Variants in PHF20 observed in about 807,000 individuals in gnomAD.
PHF20 encodes PHD finger protein 20.
In PHF20, 23 loss-of-function variants were observed where a neutral mutation model predicts 113.5. That is an observed-to-expected ratio of 0.20 (90% CI 0.15 to 0.29). The LOEUF is 0.29. PHF20 is among the 10% of genes least tolerant of loss of function. The pLI is 1.00. For missense variants in PHF20, 943 were observed against 1,219.6 expected, an observed-to-expected ratio of 0.77 and a Z score of 3.38; for synonymous variants, 434 against 457.3, an observed-to-expected ratio of 0.95 and a Z score of 0.65.
intron 2 of PHF20, among the ~76,000 whole-genome samples, chr20:35,811,005 A>G (rs1263291865): frequency 3.3e-5 from 5 of 152,020 alleles, no homozygotes; most frequent in African/African-American, 1.2e-4. Flanking sequence ...GTGTATTTTC[A>G]GTCCATTGAA....
At chr20:35,895,644 G>GTGTATTC (rs1241230031) in intron 9 of PHF20, among the ~76,000 whole-genome samples, 3 of 147,418 alleles carry the variant, frequency 2.0e-5, no homozygotes, top group Non-Finnish European at 4.5e-5. Flanking sequence ...TCTGAGAAGT[G>GTGTATTC]TGTATTCTGT....
chr20:35,919,259 C>T (rs990202761), intron 13 of PHF20, among the ~76,000 whole-genome samples: 2 of 152,086 alleles, frequency 1.3e-5, no homozygotes, highest in Non-Finnish European at 2.9e-5. Flanking sequence ...TCAGGTGATC[C>T]ACCTGCCTTG....
At chr20:35,795,106 C>T (rs892487524) in intron 1 of PHF20, among the ~76,000 whole-genome samples, 15 of 151,062 alleles carry the variant, frequency 9.9e-5, no homozygotes, top group Non-Finnish European at 1.8e-4. Context: ...GCAGGAGAAT[C>T]GCTTGAACCC....
chr20:35,810,443 C>T (rs919440568), intron 2 of PHF20, among the ~76,000 whole-genome samples: 8 of 152,096 alleles, frequency 5.3e-5, no homozygotes, highest in Admixed American at 3.9e-4. Flanking sequence ...TTGTTATATG[C>T]ACAAACCAAT....
chr20:35,841,747 C>T (rs901623072), intron 2 of PHF20, among the ~76,000 whole-genome samples: 33 of 150,938 alleles, frequency 2.2e-4, no homozygotes, highest in African/African-American at 8.1e-4. Flanking sequence ...TCCAGCATAG[C>T]GACAGAGCGA....
intron 10 of PHF20, among the ~76,000 whole-genome samples, chr20:35,903,021 CTTT>C (rs370237613): frequency 1.1e-5 from 1 of 91,498 alleles, no homozygotes; most frequent in Non-Finnish European, 2.4e-5. Flanking sequence ...TTTCTTTTTT[CTTT>C]TTTTTTTTTT....
intron 6 of PHF20, among the ~76,000 whole-genome samples, chr20:35,865,510 T>G (rs1321353748): frequency 2.6e-5 from 3 of 114,098 alleles, no homozygotes; most frequent in Admixed American, 9.0e-5. Context: ...TTTTTTTTTT[T>G]TTTTTTTTTT....
chr20:35,947,350 GCCCCATGGAGGCTGAAATGGCCCTT>G, intron 17 of PHF20, 110 bp from the exon 18 acceptor site: 4 of 781,384 alleles, frequency 5.1e-6, no homozygotes, highest in South Asian at 2.3e-5. Context: ...TTCCTCCCTT[GCCCCATGGAGGCTGAAATGGCCCTT>G]CCTCCCTTGC....
At chr20:35,793,841 T>C (rs1470635849) in intron 1 of PHF20, among the ~76,000 whole-genome samples, 1 of 146,170 alleles carries the variant, frequency 6.8e-6, no homozygotes, top group African/African-American at 2.5e-5. Flanking sequence ...CTACTAAAAA[T>C]ACAAAAATTA....
At chr20:35,777,395 C>T (rs1463668176) in intron 1 of PHF20, among the ~76,000 whole-genome samples, 1 of 152,106 alleles carries the variant, frequency 6.6e-6, no homozygotes, top group Non-Finnish European at 1.5e-5. Context: ...GTTTTTAGTC[C>T]CCTTCCCCAA....
chr20:35,894,443 G>T (rs1261215723), intron 9 of PHF20, among the ~76,000 whole-genome samples: 2 of 152,106 alleles, frequency 1.3e-5, no homozygotes, highest in Non-Finnish European at 2.9e-5. Context: ...GCTAATTTAT[G>T]CTGCTAATGA....
rs1197983613 is a variant in PHF20, at chr20:35,920,700, C to T, written c.2004+3038C>T. On this transcript the variant is annotated intron_variant, in intron 13 of 17. Coordinates refer to ENST00000374012, the MANE Select transcript of PHF20 (RefSeq NM_016436.5). ...AATAGTACCATCTAGCCTGGCTGACCAACCCTTCCCCAGCACCACCAGTGG... is the reference window on the plus strand; with the variant it reads ...AATAGTACCATCTAGCCTGGCTGACTAACCCTTCCCCAGCACCACCAGTGG... Among the ~76,000 whole-genome samples the T allele has an allele frequency of 2.0e-5, 3 of 152,092 alleles. 1 individual carries two copies. Among genetic ancestry groups the T allele is most frequent in the Middle Eastern group, 6.3e-3 (2 of 316 alleles).
At chr20:35,932,950 G>A (rs778276425) in intron 15 of PHF20, among the ~76,000 whole-genome samples, 6 of 152,122 alleles carry the variant, frequency 3.9e-5, no homozygotes, top group Non-Finnish European at 8.8e-5. Flanking sequence ...TATAGTGTTT[G>A]TCTTTTTGTG....
chr20:35,846,661 A>C (rs553158179), intron 3 of PHF20, among the ~76,000 whole-genome samples: 2 of 151,938 alleles, frequency 1.3e-5, no homozygotes, highest in Admixed American at 6.5e-5. Flanking sequence ...GGCCTCTTAG[A>C]CTCATTTTCA....
chr20:35,783,758 G>C lies in PHF20; in HGVS notation c.-33+11679G>C, dbSNP rs80286386. 9.6e-3 allele frequency among the ~76,000 whole-genome samples: 1,459 copies of C among 151,794 alleles called. 16 individuals carry two copies. The highest frequency in any genetic ancestry group is 0.039 in the East Asian group (202 of 5,122). ...GCATTTTGGGAGGCCGAGGTGGGCG[G>C]ATCACCTGAGGTCAGGAGTTCGAGA... is the stretch of plus-strand genomic sequence containing the variant. On this transcript the variant is annotated intron_variant, in intron 1 of 17. Transcript: ENST00000374012.
At chr20:35,780,225 T>C (rs1003903899) in intron 1 of PHF20, among the ~76,000 whole-genome samples, 7 of 146,544 alleles carry the variant, frequency 4.8e-5, no homozygotes, top group South Asian at 2.2e-4. Context: ...AGATTTCTTT[T>C]TTTTTTTTTT....
chr20:35,851,116 C>T (rs961337241), intron 4 of PHF20, among the ~76,000 whole-genome samples: 2 of 152,002 alleles, frequency 1.3e-5, no homozygotes, highest in Non-Finnish European at 2.9e-5. Context: ...GCTTTTTGCC[C>T]CCAGTAGTGT....
At chr20:35,824,568 T>C (rs1329292468) in intron 2 of PHF20, among the ~76,000 whole-genome samples, 2 of 151,740 alleles carry the variant, frequency 1.3e-5, no homozygotes, top group African/African-American at 4.8e-5. Flanking sequence ...GATCACGCCA[T>C]TGCACTCCAG....
chr20:35,841,783 A>C (rs1424630840), intron 2 of PHF20, among the ~76,000 whole-genome samples: 1 of 151,406 alleles, frequency 6.6e-6, no homozygotes, highest in African/African-American at 2.4e-5. Context: ...AAACAAACAA[A>C]CAACAACCAA....
Sources: gnomAD v4.1 joint callset for allele counts (sites outside exome capture counted in the v4.1 genomes callset) on GRCh38, gnomAD v4.1.1 for gene constraint, MANE v1.5 for transcripts, NCBI Gene and HGNC (gene_info 2026-07-23, HGNC 2026-07-21) for gene names.